The following FER variants were observed in gnomAD, a reference collection of about 807,000 sequenced individuals.
FER encodes the protein tyrosine-protein kinase Fer.
FER carries 63 observed loss-of-function variants against 111.0 expected under a neutral mutation model. That is an observed-to-expected ratio of 0.57 (90% CI 0.46 to 0.70). FER has a LOEUF of 0.70. Ranked by LOEUF, FER falls within the 30% of genes least tolerant of loss-of-function variation. The pLI is 0.00. For synonymous variants in FER, 327 were observed against 313.9 expected, an observed-to-expected ratio of 1.04 and a Z score of -0.44; for missense variants, 914 against 954.0, an observed-to-expected ratio of 0.96 and a Z score of 0.55.
chr5:108,844,061 T>C (rs201439280), intron 5 of FER, among the ~76,000 whole-genome samples: 1 of 89,984 alleles, frequency 1.1e-5, no homozygotes, highest in Non-Finnish European at 2.4e-5. Context: ...TGTGTGAACA[T>C]ATATATGTGT....
chr5:108,873,375 C>A (rs547357381), intron 8 of FER, among the ~76,000 whole-genome samples: 3 of 152,194 alleles, frequency 2.0e-5, no homozygotes, highest in African/African-American at 4.8e-5. Flanking sequence ...AAATTCCTGA[C>A]TTCAAGTGAT....
intron 13 of FER, among the ~76,000 whole-genome samples, chr5:109,025,586 T>A (rs1441863296): frequency 1.3e-5 from 2 of 151,384 alleles, no homozygotes; most frequent in African/African-American, 2.4e-5. Flanking sequence ...TTTGACTTCC[T>A]CTTTTCCTAA....
intron 3 of FER, among the ~76,000 whole-genome samples, chr5:108,805,142 T>C (rs1757062758): frequency 6.6e-6 from 1 of 152,114 alleles, no homozygotes. Flanking sequence ...GACTGAATTA[T>C]GGGAGTGGGT....
intron 17 of FER, among the ~76,000 whole-genome samples, chr5:109,173,682 A>G (rs772403286): frequency 1.3e-5 from 2 of 152,108 alleles, no homozygotes; most frequent in Non-Finnish European, 2.9e-5. Flanking sequence ...TAATCCCTTA[A>G]GACTGTGATG....
chr5:108,771,385 AG>A (rs1752884535), intron 2 of FER, among the ~76,000 whole-genome samples: 1 of 152,282 alleles, frequency 6.6e-6, no homozygotes, highest in South Asian at 2.1e-4. Flanking sequence ...TGAGTTTTAG[AG>A]CTGAGAGGTA....
At chr5:108,806,729 C>G (rs1228175346) in intron 3 of FER, among the ~76,000 whole-genome samples, 1 of 152,176 alleles carries the variant, frequency 6.6e-6, no homozygotes, top group Non-Finnish European at 1.5e-5. Flanking sequence ...CAGCGTCTCC[C>G]TTTTGGAATG....
chr5:108,999,399 A>G (rs1764418950), intron 13 of FER, among the ~76,000 whole-genome samples: 1 of 152,086 alleles, frequency 6.6e-6, no homozygotes. Context: ...TTTTAAATAG[A>G]TTTTTAAAAT....
At chr5:108,847,969 C>T (rs1257027257) in intron 5 of FER, among the ~76,000 whole-genome samples, 4 of 152,052 alleles carry the variant, frequency 2.6e-5, no homozygotes, top group Non-Finnish European at 5.9e-5. Flanking sequence ...CTCGCTGCAG[C>T]CTCGAACTCC....
intron 9 of FER, among the ~76,000 whole-genome samples, chr5:108,892,960 C>G (rs1748381781): frequency 6.6e-6 from 1 of 152,228 alleles, no homozygotes; most frequent in East Asian, 1.9e-4. Context: ...TCAGGTTTGT[C>G]AAAGATCAGA....
chr5:109,138,962 A>G (rs1753205988), intron 17 of FER, among the ~76,000 whole-genome samples: 1 of 152,220 alleles, frequency 6.6e-6, no homozygotes, highest in Non-Finnish European at 1.5e-5. Flanking sequence ...TAGAGGGCCC[A>G]TGGCAATCTA....
intron 10 of FER, among the ~76,000 whole-genome samples, chr5:108,898,627 C>T (rs1174675500): frequency 7.3e-6 from 1 of 137,160 alleles, no homozygotes; most frequent in Non-Finnish European, 1.5e-5. Flanking sequence ...TCCTTCCTTC[C>T]TTTCTTTTTC....
At chr5:109,117,898 A>G (rs1262511525) in intron 17 of FER, among the ~76,000 whole-genome samples, 5 of 151,914 alleles carry the variant, frequency 3.3e-5, no homozygotes, top group African/African-American at 7.3e-5. Context: ...TCAGCTTAAG[A>G]AGATTTTGGG....
intron 16 of FER, chr5:109,051,279 G>T (rs1772761638): frequency 4.4e-6 from 6 of 1,355,382 alleles, no homozygotes; most frequent in Non-Finnish European, 6.4e-6. Context: ...TTCTCCACAA[G>T]TGAGAGGAAT....
rs116160219 is a variant in FER, at chr5:108,849,280, T to C, written c.481+13473T>C. On this transcript the variant is annotated intron_variant, in intron 5 of 19. Transcript: ENST00000281092. The stretch of plus-strand genomic sequence containing the variant: ...TTTGCTTTCTTTCAGAGACTCCAGT[T>C]ACACATATATTAGGCTGCTTGTAGT... 5.1e-3 allele frequency among the ~76,000 whole-genome samples: 782 copies of C among 152,266 alleles called. 8 individuals are homozygous for C. Among genetic ancestry groups the C allele is most frequent in the African/African-American group, 0.017 (721 of 41,554 alleles).
chr5:108,820,372 G>A (rs372554907), intron 3 of FER: 5 of 985,216 alleles, frequency 5.1e-6, no homozygotes, highest in African/African-American at 3.5e-5. Flanking sequence ...GAGGTTAGGC[G>A]ATTTACTTCT....
intron 5 of FER, among the ~76,000 whole-genome samples, chr5:108,845,013 TATATATATATATATATATATATATATAC>T (rs1250618077): frequency 0.051 from 2,888 of 56,744 alleles, 96 homozygotes; most frequent in Non-Finnish European, 0.062. Context: ...TATATATATA[TATATATATATATATATATATATATATAC>T]ATATATATAT....
intron 13 of FER, among the ~76,000 whole-genome samples, chr5:109,005,009 T>G (rs553035921): frequency 6.6e-6 from 1 of 152,216 alleles, no homozygotes; most frequent in South Asian, 2.1e-4. Flanking sequence ...ATGGCTGATT[T>G]CTCGGAAACT....
chr5:108,992,728 C>T (rs1161577385), intron 13 of FER, among the ~76,000 whole-genome samples: 2 of 151,802 alleles, frequency 1.3e-5, no homozygotes, highest in East Asian at 3.9e-4. Context: ...CGGAGACGCT[C>T]CTCACTTCCC....
intron 17 of FER, among the ~76,000 whole-genome samples, chr5:109,129,790 GCAATT>G (rs1752161337): frequency 6.6e-6 from 1 of 151,940 alleles, no homozygotes; most frequent in Non-Finnish European, 1.5e-5. Context: ...CTTTTACACA[GCAATT>G]CAACTCCTAA....
Sources: gnomAD v4.1 joint callset for allele counts (sites outside exome capture counted in the v4.1 genomes callset) on GRCh38, gnomAD v4.1.1 for gene constraint, MANE v1.5 for transcripts, NCBI Gene and HGNC (gene_info 2026-07-23, HGNC 2026-07-21) for gene names.